CCND3: variants seen among roughly 807,000 people sequenced by gnomAD.
The protein encoded by CCND3 is G1/S-specific cyclin-D3.
A neutral mutation model predicts 28.7 loss-of-function variants in CCND3; 9 were observed. The ratio of observed to expected loss-of-function variants is 0.31; its 90% CI spans 0.19 to 0.55. CCND3 has a LOEUF of 0.55. Ranked by LOEUF, CCND3 falls within the 20% of genes least tolerant of loss-of-function variation. CCND3 has a pLI of 0.93. For missense variants in CCND3, 315 were observed against 385.8 expected (o/e 0.82, Z 1.54); for synonymous variants, 164 against 163.9 (o/e 1.00, Z 0.00).
At chr6:41,944,682 A>G (rs964441986), upstream of CCND3, among the ~76,000 whole-genome samples, 7 of 152,162 alleles carry the variant, frequency 4.6e-5, no homozygotes, top group African/African-American at 1.7e-4. Flanking sequence ...TCAGCTTCCT[A>G]AAGTGCTGGG....
intron 1 of CCND3, among the ~76,000 whole-genome samples, chr6:41,948,179 A>T (rs910961967): frequency 2.0e-4 from 31 of 152,024 alleles, no homozygotes; most frequent in Admixed American, 5.9e-4. Context: ...GACACTTCTT[A>T]TGCTCTTTCC....
At chr6:42,023,251 T>A (rs1763765742) in intron 1 of CCND3, among the ~76,000 whole-genome samples, 3 of 152,214 alleles carry the variant, frequency 2.0e-5, no homozygotes, top group African/African-American at 4.8e-5. Flanking sequence ...GGGTTTTTTG[T>A]TGATTTCGCT....
chr6:41,981,268 C>T lies in CCND3; in HGVS notation c.-45-40683G>A, dbSNP rs945610100. On this transcript the variant is annotated intron_variant, in intron 1 of 4. Transcript: ENST00000372988. ...TCACCCAGGCTGGAGTGCATCGGTG[C>T]GATCTCTGCTCACTGCAACCTCCGC... Among the ~76,000 whole-genome samples the T allele has an allele frequency of 5.3e-4, 79 of 148,958 alleles. 1 individual carries two copies. Among genetic ancestry groups the T allele is most frequent in the Admixed American group, 4.8e-3 (72 of 14,974 alleles).
chr6:41,966,970 A>G (rs1363724424), intron 1 of CCND3, among the ~76,000 whole-genome samples: 1 of 152,194 alleles, frequency 6.6e-6, no homozygotes, highest in East Asian at 1.9e-4. Flanking sequence ...TCCATAATTA[A>G]TAATAATATA....
intron 1 of CCND3, among the ~76,000 whole-genome samples, chr6:41,961,515 C>G (rs1761716164): frequency 6.6e-6 from 1 of 151,978 alleles, no homozygotes; most frequent in African/African-American, 2.4e-5. Flanking sequence ...TGCAGTGAGC[C>G]GAGATAGCGC....
intron 1 of CCND3, among the ~76,000 whole-genome samples, chr6:42,008,202 G>A (rs1213149568): frequency 6.6e-6 from 1 of 152,022 alleles, no homozygotes; most frequent in East Asian, 1.9e-4. Context: ...CCAACATGGC[G>A]AAACCCCATC....
intron 1 of CCND3, among the ~76,000 whole-genome samples, chr6:42,032,449 C>T (rs997637847): frequency 6.6e-6 from 1 of 152,190 alleles, no homozygotes; most frequent in African/African-American, 2.4e-5. Flanking sequence ...AGTGGAATTA[C>T]CAAGGCAGAG....
At chr6:42,007,682 T>C (rs547251313) in intron 1 of CCND3, among the ~76,000 whole-genome samples, 1 of 152,254 alleles carries the variant, frequency 6.6e-6, no homozygotes, top group African/African-American at 2.4e-5. Flanking sequence ...GGACACAAAA[T>C]AGCATTTGTG....
At chr6:41,984,344 T>C (rs1050771101) in intron 1 of CCND3, among the ~76,000 whole-genome samples, 1 of 152,066 alleles carries the variant, frequency 6.6e-6, no homozygotes, top group Non-Finnish European at 1.5e-5. Flanking sequence ...AGTTCTGTTT[T>C]TTTGTTTGTT....
intron 1 of CCND3, among the ~76,000 whole-genome samples, chr6:42,016,250 C>A (rs1763505904): frequency 6.6e-6 from 1 of 152,120 alleles, no homozygotes; most frequent in Non-Finnish European, 1.5e-5. Flanking sequence ...ATGTTTTTTA[C>A]TAACCATAGT....
chr6:41,966,822 A>G (rs1761900433), intron 1 of CCND3, among the ~76,000 whole-genome samples: 1 of 152,124 alleles, frequency 6.6e-6, no homozygotes, highest in Non-Finnish European at 1.5e-5. Flanking sequence ...TAATTTATTC[A>G]CTCATTTGCA....
chr6:42,002,114 T>TAAA (rs55946125), intron 1 of CCND3, among the ~76,000 whole-genome samples: 5 of 142,592 alleles, frequency 3.5e-5, no homozygotes, highest in Admixed American at 7.1e-5. Context: ...AAACTTTCTT[T>TAAA]AAAAAAAAAA....
In CCND3 at chr6:41,936,215, G is replaced by A; in HGVS notation, c.712-108C>T. 1.6e-6 allele frequency: 2 copies of A among 1,241,576 alleles called. No individual in the cohort carries two copies. Among genetic ancestry groups the A allele is most frequent in the Non-Finnish European group, 2.2e-6 (2 of 901,640 alleles). The allele number at this position is 1,241,576 out of a possible 1,614,324, so 76.9% of individuals were successfully genotyped here. On this transcript the variant is annotated intron_variant, in intron 4 of 4. Coordinates refer to ENST00000372991, the MANE Select transcript of CCND3 (RefSeq NM_001760.5). This position sits in a 1 kb window ranked among gnomAD's most constrained non-coding sequence, Gnocchi z 4.4. ...CACATGGGGAAGTCTGGGGAGGTTA[G>A]GCCACAGCCCGGCCCCAGGAATCGC...
At chr6:41,991,826 G>C (rs540564157) in intron 1 of CCND3, among the ~76,000 whole-genome samples, 1 of 151,938 alleles carries the variant, frequency 6.6e-6, no homozygotes, top group East Asian at 1.9e-4. Context: ...AAGCTTCCAC[G>C]TGTGAGTGAG....
intron 1 of CCND3, among the ~76,000 whole-genome samples, chr6:41,978,324 A>C (rs1197637779): frequency 6.6e-6 from 1 of 150,698 alleles, no homozygotes; most frequent in Non-Finnish European, 1.5e-5. Flanking sequence ...CAGTGAACTG[A>C]GATGGCCACT....
intron 1 of CCND3, among the ~76,000 whole-genome samples, chr6:42,031,089 C>T (rs1764028500): frequency 6.6e-6 from 1 of 152,164 alleles, no homozygotes; most frequent in South Asian, 2.1e-4. Flanking sequence ...CCACCTCCTC[C>T]TCTGTTGCTG....
intron 1 of CCND3, among the ~76,000 whole-genome samples, chr6:42,019,451 T>C (rs951410306): frequency 2.3e-5 from 3 of 132,702 alleles, no homozygotes; most frequent in African/African-American, 8.9e-5. Context: ...ATCGCACCAC[T>C]GCACTCCAGC....
chr6:41,958,707 C>T (rs1776498189), intron 1 of CCND3, among the ~76,000 whole-genome samples: 1 of 152,110 alleles, frequency 6.6e-6, no homozygotes, highest in Admixed American at 6.5e-5. Context: ...ATTGAATCTT[C>T]TAATTTTTTT....
chr6:41,940,604 T>A lies in CCND3; in HGVS notation c.199-19A>T. 7.0e-7 allele frequency: 1 copy of A among 1,436,626 alleles called. No individual in the cohort carries two copies. The highest frequency in any genetic ancestry group is 9.4e-7 in the Non-Finnish European group (1 of 1,060,680). 89.0% of individuals were successfully genotyped at this position (1,436,626 alleles called of 1,614,324 possible). ...CACATACCTGGGGGAGGGCGCACAG[T>A]CACTGCTGGGTCTGGAGCGTGGGGA... is the stretch of plus-strand genomic sequence containing the variant. On this transcript the variant is annotated intron_variant, in intron 1 of 4. Coordinates refer to ENST00000372991, the MANE Select transcript of CCND3 (RefSeq NM_001760.5).
Sources: allele counts gnomAD v4.1 joint callset (sites outside exome capture counted in the v4.1 genomes callset), GRCh38; gene constraint gnomAD v4.1.1; non-coding constraint Gnocchi (gnomAD v3.1); transcripts MANE v1.5; gene names NCBI Gene and HGNC (gene_info 2026-07-23, HGNC 2026-07-21).